The following PAQR5 variants were observed in gnomAD, a reference collection of about 807,000 sequenced individuals.
PAQR5 encodes the protein membrane progestin receptor gamma.
Under a neutral mutation model 34.5 loss-of-function variants are expected in PAQR5, and 20 were observed. The observed-to-expected ratio is 0.58, with a 90% CI of 0.41 to 0.84. PAQR5 has a LOEUF of 0.84. PAQR5 is among the 40% of genes least tolerant of loss of function. PAQR5 has a pLI of 0.00. For missense variants in PAQR5, 378 were observed against 412.7 expected (o/e 0.92, Z 0.73); for synonymous variants, 131 against 155.6 (o/e 0.84, Z 1.18).
intron 1 of PAQR5, among the ~76,000 whole-genome samples, chr15:69,326,531 G>T (rs1459196735): frequency 6.6e-6 from 1 of 151,270 alleles, no homozygotes; most frequent in Non-Finnish European, 1.5e-5. Flanking sequence ...TGCCTCCCAG[G>T]TTCAAGCAAT....
At position 69,332,493 on chromosome 15, in the gene PAQR5, G is replaced by C. The variant is rs190291034; in HGVS notation, c.-276-4848G>C. On this transcript the variant is annotated intron_variant, in intron 1 of 8. Transcript: ENST00000395407. ...AAAATTTTTTCTTGAGCAGTTAAAA[G>C]CCTGTGCAAGCTTGAAATTGGCTTC... Among the ~76,000 whole-genome samples, 831 of 152,234 alleles carry C rather than the reference G, an allele frequency of 5.5e-3. 13 individuals are homozygous for C. The highest frequency in any genetic ancestry group is 0.019 in the African/African-American group (774 of 41,516).
chr15:69,322,948 C>T lies in PAQR5; in HGVS notation c.-276-14393C>T, dbSNP rs1292794844. Among the ~76,000 whole-genome samples, 2 of 149,518 alleles carry T rather than the reference C, an allele frequency of 1.3e-5. 1 individual carries two copies. Among genetic ancestry groups the T allele is most frequent in the African/African-American group, 5.0e-5 (2 of 40,026 alleles). ...GCATGGGGGTGGGAAGTTCCTGGTG[C>T]ACTAAGGACCGAGATGACAGGAGGG... On this transcript the variant is annotated intron_variant, in intron 1 of 8. Transcript: ENST00000395407.
At chr15:69,368,211 C>T (rs2055455005) in intron 3 of PAQR5, among the ~76,000 whole-genome samples, 3 of 152,244 alleles carry the variant, frequency 2.0e-5, no homozygotes, top group South Asian at 2.1e-4. Flanking sequence ...CACCACCACG[C>T]CTGGCTAATT....
rs113827735 is a variant in PAQR5 at position 69,362,574 on chromosome 15, G to T, written c.51+2443G>T. 7.3e-3 allele frequency among the ~76,000 whole-genome samples: 1,113 copies of T among 152,312 alleles called. 11 individuals are homozygous for T. Among genetic ancestry groups the T allele is most frequent in the African/African-American group, 0.026 (1,065 of 41,554 alleles). ...TGTGGGTTCCAATACTTGGTTTTTA[G>T]AGTGGCCTCAAGCAAGATAATCTCT... On this transcript the variant is annotated intron_variant, in intron 3 of 8. Transcript: ENST00000395407.
intron 1 of PAQR5, among the ~76,000 whole-genome samples, chr15:69,305,000 T>C (rs1027093293): frequency 7.9e-5 from 12 of 152,352 alleles, no homozygotes; most frequent in Non-Finnish European, 1.5e-4. Flanking sequence ...TAGTGTGACT[T>C]TGATCCTGTC....
At chr15:69,367,724 C>T (rs2055439047) in intron 3 of PAQR5, among the ~76,000 whole-genome samples, 1 of 152,164 alleles carries the variant, frequency 6.6e-6, no homozygotes, top group Non-Finnish European at 1.5e-5. Context: ...GAAAAAGATT[C>T]GGGCACAGAA....
rs184513715 is a variant in PAQR5 at position 69,364,258 on chromosome 15, T to G, written c.51+4127T>G. Among the ~76,000 whole-genome samples, 4 of 152,018 alleles carry G rather than the reference T, an allele frequency of 2.6e-5. 1 individual carries two copies. The East Asian group carries it at 7.7e-4, about 29-fold the overall frequency. ...CAGGTAAATGGTTTCTCCAGCCCAGTGCTATTCAGAGAGAGTGCTTAGATC... is the reference window on the plus strand; with the variant it reads ...CAGGTAAATGGTTTCTCCAGCCCAGGGCTATTCAGAGAGAGTGCTTAGATC... On this transcript the variant is annotated intron_variant, in intron 3 of 8. Transcript: ENST00000395407.
At chr15:69,331,789 G>A (rs957300410) in intron 1 of PAQR5, among the ~76,000 whole-genome samples, 2 of 152,218 alleles carry the variant, frequency 1.3e-5, no homozygotes, top group East Asian at 3.8e-4. Flanking sequence ...GGTGACTAAT[G>A]TCTGTTCTGT....
At chr15:69,302,840 C>T (rs890629607) in intron 1 of PAQR5, among the ~76,000 whole-genome samples, 2 of 152,190 alleles carry the variant, frequency 1.3e-5, no homozygotes, top group Admixed American at 1.3e-4. Context: ...AGTTTCCTGC[C>T]ACCATTCTTG....
chr15:69,401,224 G>A (rs1217226143), intron 8 of PAQR5, among the ~76,000 whole-genome samples: 1 of 152,118 alleles, frequency 6.6e-6, no homozygotes, highest in African/African-American at 2.4e-5. Flanking sequence ...AGTTCCTTAG[G>A]TGAGTACATG....
intron 2 of PAQR5, among the ~76,000 whole-genome samples, chr15:69,352,355 G>A (rs1300530651): frequency 1.3e-5 from 2 of 152,200 alleles, no homozygotes; most frequent in Non-Finnish European, 2.9e-5. Context: ...GATCCACCAA[G>A]CCATAAAGTT....
intron 2 of PAQR5, among the ~76,000 whole-genome samples, chr15:69,337,771 C>T (rs2054544242): frequency 6.6e-6 from 1 of 152,088 alleles, no homozygotes; most frequent in Non-Finnish European, 1.5e-5. Context: ...ATTTTGTAAA[C>T]TGTAAATCAG....
intron 1 of PAQR5, among the ~76,000 whole-genome samples, chr15:69,306,382 C>T (rs1344789411): frequency 1.3e-5 from 2 of 150,464 alleles, no homozygotes; most frequent in African/African-American, 2.4e-5. Flanking sequence ...TACCATTTAA[C>T]CTTTAACCAT....
At chr15:69,315,422 G>A (rs867802958) in intron 1 of PAQR5, among the ~76,000 whole-genome samples, 6 of 152,252 alleles carry the variant, frequency 3.9e-5, no homozygotes, top group Admixed American at 6.5e-5. Flanking sequence ...GCATGTCTTC[G>A]CGTTTTCCAG....
At position 69,366,739 on chromosome 15, in the gene PAQR5, A is replaced by G. The variant is rs138887611; in HGVS notation, c.51+6608A>G. 9.9e-5 allele frequency among the ~76,000 whole-genome samples: 15 copies of G among 152,198 alleles called. No homozygotes were observed. The East Asian group carries it at 2.9e-3, about 29-fold the overall frequency. ...ATCAATTATCTTTATATTTTTACCAATTTTGTTCTACTTGATCTATGCATA... is the reference window on the plus strand; with the variant it reads ...ATCAATTATCTTTATATTTTTACCAGTTTTGTTCTACTTGATCTATGCATA... On this transcript the variant is annotated intron_variant, in intron 3 of 8. Coordinates refer to ENST00000395407, the MANE Select transcript of PAQR5 (RefSeq NM_017705.4).
chr15:69,392,219 C>A (rs1201095968), intron 6 of PAQR5: 2 of 156,502 alleles, frequency 1.3e-5, no homozygotes, highest in Non-Finnish European at 1.4e-5. Context: ...CTCAGATGAT[C>A]CACTCTCCTC....
chr15:69,369,254 G>A (rs952308803), intron 3 of PAQR5, among the ~76,000 whole-genome samples: 4 of 152,114 alleles, frequency 2.6e-5, no homozygotes, highest in Non-Finnish European at 4.4e-5. Context: ...GTAGAAATCC[G>A]GCTGGGTGTG....
chr15:69,391,432 G>A (rs1684177030), intron 6 of PAQR5: 1 of 216,616 alleles, frequency 4.6e-6, no homozygotes, highest in South Asian at 5.4e-5. Flanking sequence ...GTGTGGAGCT[G>A]CCTTCCATGG....
chr15:69,329,686 T>A (rs2054336490), intron 1 of PAQR5, among the ~76,000 whole-genome samples: 1 of 152,004 alleles, frequency 6.6e-6, no homozygotes, highest in Non-Finnish European at 1.5e-5. Context: ...GGTTTCATCA[T>A]GTTGTCCAGG....
Sources: gnomAD v4.1 joint callset for allele counts (sites outside exome capture counted in the v4.1 genomes callset) on GRCh38, gnomAD v4.1.1 for gene constraint, MANE v1.5 for transcripts, NCBI Gene and HGNC (gene_info 2026-07-23, HGNC 2026-07-21) for gene names.